ZCCHC17: variants seen among roughly 807,000 people sequenced by gnomAD.
ZCCHC17 encodes zinc finger CCHC-type containing 17.
In ZCCHC17, 18 loss-of-function variants were observed where a neutral mutation model predicts 30.6. That is an observed-to-expected ratio of 0.59 (90% CI 0.41 to 0.87). ZCCHC17 has a LOEUF of 0.87. Among genes scored for constraint, ZCCHC17 ranks in the 40% least tolerant of loss-of-function variants. The probability of loss-of-function intolerance (pLI) is 0.00; values close to 1 mark genes in which losing one functional copy is unlikely to be tolerated. For synonymous variants in ZCCHC17, 88 were observed against 92.4 expected (o/e 0.95, Z 0.27); for missense variants, 263 against 284.2 (o/e 0.93, Z 0.54).
intron 3 of ZCCHC17, among the ~76,000 whole-genome samples, chr1:31,331,080 A>G (rs887648691): frequency 6.6e-6 from 1 of 152,250 alleles, no homozygotes; most frequent in Non-Finnish European, 1.5e-5. Flanking sequence ...TTCCAGGGAA[A>G]AGGGATTGGA....
chr1:31,335,155 C>T (rs1405394151), intron 3 of ZCCHC17, among the ~76,000 whole-genome samples: 1 of 152,164 alleles, frequency 6.6e-6, no homozygotes, highest in Non-Finnish European at 1.5e-5. Flanking sequence ...AGTTTATACT[C>T]CCAGGGCTTT....
chr1:31,355,139 C>T (rs1217065327), intron 7 of ZCCHC17, among the ~76,000 whole-genome samples: 1 of 149,690 alleles, frequency 6.7e-6, no homozygotes, highest in Non-Finnish European at 1.5e-5. Context: ...TGCGCCACTG[C>T]ACTCCAGCCT....
intron 3 of ZCCHC17, among the ~76,000 whole-genome samples, chr1:31,326,602 T>G (rs578180955): frequency 6.6e-6 from 1 of 152,326 alleles, no homozygotes; most frequent in East Asian, 1.9e-4. Context: ...CTTTGGGGAC[T>G]GTGTGGGATT....
intron 2 of ZCCHC17, among the ~76,000 whole-genome samples, chr1:31,310,496 A>G (rs1399593157): frequency 5.3e-5 from 8 of 152,246 alleles, no homozygotes; most frequent in Non-Finnish European, 1.2e-4. Flanking sequence ...AGGACCTAGT[A>G]GGAGGTATTT....
At chr1:31,347,254 A>T (rs1359510288) in intron 6 of ZCCHC17, among the ~76,000 whole-genome samples, 2 of 152,144 alleles carry the variant, frequency 1.3e-5, no homozygotes, top group Non-Finnish European at 2.9e-5. Flanking sequence ...GGTTTCCTCT[A>T]CTCTTACTCA....
Position 31,339,031 on chromosome 1 carries a change from C to T in ZCCHC17, c.300C>T (p.Pro100=). Reference sequence around the variant, plus strand: ...AAGGGACTGGGAAAGACCTTGATCCCAACAATGTTATCATTGAGTAAGTAA... The same window carrying T: ...AAGGGACTGGGAAAGACCTTGATCCTAACAATGTTATCATTGAGTAAGTAA... ...VNQGTGKDLD[P]NNVIIEQEER... The change falls in exon 5 of 8, where the codon CCC becomes CCT. Residue 100 remains proline (P), a synonymous_variant. Transcript: ENST00000344147. 1 of 1,609,682 alleles carries T rather than the reference C, an allele frequency of 6.2e-7. No individual in the cohort carries two copies. Among genetic ancestry groups the T allele is most frequent in the Non-Finnish European group, 8.5e-7 (1 of 1,178,490 alleles).
Position 31,338,937 on chromosome 1 carries a change from C to G in ZCCHC17, c.226-20C>G, listed in dbSNP as rs527633926. 4.4e-6 allele frequency: 7 copies of G among 1,574,164 alleles called. No homozygotes were observed. The South Asian group carries it at 8.2e-5, about 18-fold the overall frequency. Reference sequence around the variant, plus strand: ...ATGATGTATTTAAAGTTTTTGGTGACTTTTTTTGGTCTCTTTCAGATGAAA... The same window carrying G: ...ATGATGTATTTAAAGTTTTTGGTGAGTTTTTTTGGTCTCTTTCAGATGAAA... On this transcript the variant is annotated intron_variant, in intron 4 of 7. Transcript: ENST00000344147.
chr1:31,346,508 G>T (rs1015407306), intron 5 of ZCCHC17, 132 bp from the exon 6 acceptor site: 19 of 1,011,930 alleles, frequency 1.9e-5, no homozygotes, highest in Admixed American at 3.0e-5. Context: ...TGCCTGTCTC[G>T]TTCTGTCAAA....
At chr1:31,339,154 A>T in intron 5 of ZCCHC17, 106 bp downstream of exon 5, 1 of 810,018 alleles carries the variant, frequency 1.2e-6, no homozygotes, top group Non-Finnish European at 1.9e-6. Flanking sequence ...GGACTTTGTG[A>T]TATTGATAAG....
At chr1:31,329,999 C>T (rs765676286) in intron 3 of ZCCHC17, among the ~76,000 whole-genome samples, 4 of 152,120 alleles carry the variant, frequency 2.6e-5, no homozygotes, top group East Asian at 1.9e-4. Flanking sequence ...AACACTTTCA[C>T]GAATGTGCTT....
chr1:31,339,414 A>G (rs1232884998), intron 5 of ZCCHC17, among the ~76,000 whole-genome samples: 2 of 152,196 alleles, frequency 1.3e-5, no homozygotes, highest in Non-Finnish European at 2.9e-5. Context: ...TGAGTCATGC[A>G]CTAGAGTCTC....
chr1:31,309,572 A>G (rs1369985880), intron 1 of ZCCHC17, among the ~76,000 whole-genome samples: 1 of 152,128 alleles, frequency 6.6e-6, no homozygotes, highest in Non-Finnish European at 1.5e-5. Flanking sequence ...CTCAGCAACC[A>G]CAGTGCTGGG....
chr1:31,339,086 C>A, intron 5 of ZCCHC17, 38 bp downstream of exon 5: 1 of 1,476,906 alleles, frequency 6.8e-7, no homozygotes, highest in South Asian at 1.2e-5. Flanking sequence ...ATTCTTCTGC[C>A]TCCCAAATCA....
chr1:31,323,787 A>G, intron 3 of ZCCHC17, among the ~76,000 whole-genome samples: 1 of 152,248 alleles, frequency 6.6e-6, no homozygotes, highest in East Asian at 1.9e-4. Context: ...GTTAATACCC[A>G]GTGTTAGAAA....
chr1:31,307,245 G>T (rs768269234), intron 1 of ZCCHC17, among the ~76,000 whole-genome samples: 2 of 151,620 alleles, frequency 1.3e-5, no homozygotes, highest in Non-Finnish European at 2.9e-5. Flanking sequence ...GATTACAGTC[G>T]TGAGCCACTG....
At chr1:31,342,333 T>G (rs1639079181) in intron 5 of ZCCHC17, among the ~76,000 whole-genome samples, 1 of 152,178 alleles carries the variant, frequency 6.6e-6, no homozygotes, top group Admixed American at 6.5e-5. Context: ...CATGAGCCAC[T>G]ACCGCTCAGC....
chr1:31,314,128 G>A (rs1646673467), intron 2 of ZCCHC17, among the ~76,000 whole-genome samples: 1 of 152,282 alleles, frequency 6.6e-6, no homozygotes, highest in Non-Finnish European at 1.5e-5. Context: ...GCCTCCCAAA[G>A]TGCTGGGATT....
At chr1:31,324,530 A>C (rs1340470959) in intron 3 of ZCCHC17, among the ~76,000 whole-genome samples, 3 of 152,168 alleles carry the variant, frequency 2.0e-5, no homozygotes, top group African/African-American at 7.2e-5. Flanking sequence ...CCTTTCCCCC[A>C]TAGTCTCAGA....
Position 31,346,657 on chromosome 1 carries a change from G to C in ZCCHC17, c.335G>C (p.Arg112Thr), listed in dbSNP as rs1314897820. 1.2e-6 allele frequency: 2 copies of C among 1,612,058 alleles called. No homozygotes were observed. The highest frequency in any genetic ancestry group is 2.2e-5 in the South Asian group (2 of 90,726). The change falls in exon 6 of 8, where the codon AGG becomes ACG. Residue 112 changes from arginine (R) to threonine (T), a missense_variant. Transcript: ENST00000344147. ...NVIIEQEERR[R>T]RSFQDYTGQK... ...CATTATAGGCAAGAAGAGAGGCGGA[G>C]GCGATCCTTCCAGGATTACACTGGG...
Sources: gnomAD v4.1 joint callset for allele counts (sites outside exome capture counted in the v4.1 genomes callset) on GRCh38, gnomAD v4.1.1 for gene constraint, MANE v1.5 for transcripts, NCBI Gene and HGNC (gene_info 2026-07-23, HGNC 2026-07-21) for gene names.